MED12L: variants seen among roughly 807,000 people sequenced by gnomAD.
The protein encoded by MED12L is mediator of RNA polymerase II transcription subunit 12-like protein.
MED12L carries 60 observed loss-of-function variants against 281.3 expected under a neutral mutation model. The ratio of observed to expected loss-of-function variants is 0.21; its 90% confidence interval spans 0.17 to 0.26. The LOEUF is 0.26. Ranked by LOEUF, MED12L falls within the 10% of genes least tolerant of loss-of-function variation. MED12L has a pLI of 1.00. For synonymous variants in MED12L, 974 were observed against 987.2 expected, an observed-to-expected ratio of 0.99 and a Z score of 0.25; for missense variants, 2,146 against 2,680.9, an observed-to-expected ratio of 0.80 and a Z score of 4.41.
At chr3:151,262,247 C>T (rs1404656837) in intron 16 of MED12L, among the ~76,000 whole-genome samples, 1 of 152,154 alleles carries the variant, frequency 6.6e-6, no homozygotes, top group Non-Finnish European at 1.5e-5. Flanking sequence ...GGATGTATCC[C>T]ATCAGAAGTA....
intron 16 of MED12L, among the ~76,000 whole-genome samples, chr3:151,341,903 G>C (rs1322738631): frequency 5.9e-5 from 9 of 152,098 alleles, no homozygotes; most frequent in Non-Finnish European, 1.2e-4. Context: ...CAAAGGACAT[G>C]AACTCATCAT....
chr3:151,265,978 G>A (rs1410116649), intron 16 of MED12L, among the ~76,000 whole-genome samples: 2 of 152,144 alleles, frequency 1.3e-5, no homozygotes, highest in Non-Finnish European at 2.9e-5. Flanking sequence ...GTTCAAAGAG[G>A]CATTTAATTG....
At chr3:151,109,405 A>G (rs963372860) in intron 2 of MED12L, among the ~76,000 whole-genome samples, 4 of 152,196 alleles carry the variant, frequency 2.6e-5, no homozygotes, top group Non-Finnish European at 4.4e-5. Context: ...CAGGCCTTAC[A>G]TATTAGCATG....
In MED12L at chr3:151,379,027, C is replaced by T. The variant is rs1008930164; in HGVS notation, c.4478+854C>T. On this transcript the variant is annotated intron_variant, in intron 31 of 44. Transcript: ENST00000687756. ...TTGCTCCAGGACACACAGTGAAGGA[C>T]ATAAAGCCTGGGTTTAAATCCAGGA... 3.9e-5 allele frequency among the ~76,000 whole-genome samples: 6 copies of T among 152,350 alleles called. 1 individual carries two copies. In the South Asian group the frequency reaches 1.0e-3, roughly 26 times the overall value.
At position 151,236,058 on chromosome 3, in the gene MED12L, T is replaced by C. The variant is rs184114136; in HGVS notation, c.2250+42392T>C. ...TTTTTAACTTATTCTCCTCTCCCCC[T>C]ATTCTTACATACAGCCCTTCTTAAA... On this transcript the variant is annotated intron_variant, in intron 16 of 44. Transcript: ENST00000687756. 6.9e-4 allele frequency among the ~76,000 whole-genome samples: 105 copies of C among 152,290 alleles called. 1 individual carries two copies. Among genetic ancestry groups the C allele is most frequent in the African/African-American group, 2.4e-3 (98 of 41,576 alleles).
At chr3:151,332,467 A>C (rs1399989258) in intron 16 of MED12L, among the ~76,000 whole-genome samples, 1 of 152,226 alleles carries the variant, frequency 6.6e-6, no homozygotes, top group Non-Finnish European at 1.5e-5. Context: ...AGCTGAAATA[A>C]GTTATACTTT....
intron 16 of MED12L, chr3:151,199,556 A>G (rs980270293): frequency 1.7e-6 from 1 of 603,482 alleles, no homozygotes; most frequent in Admixed American, 3.0e-5. Context: ...TTATTGGTGA[A>G]CTTACCAGAC....
intron 16 of MED12L, among the ~76,000 whole-genome samples, chr3:151,345,643 G>A (rs1296986115): frequency 2.0e-5 from 3 of 149,944 alleles, no homozygotes; most frequent in Non-Finnish European, 3.0e-5. Flanking sequence ...TCAGCCTCCC[G>A]AGTAGCTGAA....
chr3:151,162,175 A>G (rs1427030864), intron 8 of MED12L, among the ~76,000 whole-genome samples: 1 of 152,112 alleles, frequency 6.6e-6, no homozygotes, highest in Non-Finnish European at 1.5e-5. Flanking sequence ...TGTTTGATAG[A>G]TCAGTGCCCT....
At chr3:151,118,590 TA>T (rs1212806832) in intron 3 of MED12L, among the ~76,000 whole-genome samples, 1 of 152,178 alleles carries the variant, frequency 6.6e-6, no homozygotes, top group Non-Finnish European at 1.5e-5. Context: ...TCTTGGGTAT[TA>T]AGTACATTTG....
chr3:151,369,102 T>C (rs1755857414), intron 25 of MED12L, among the ~76,000 whole-genome samples: 1 of 152,182 alleles, frequency 6.6e-6, no homozygotes, highest in African/African-American at 2.4e-5. Flanking sequence ...AAAGTAAGAA[T>C]TTTAGGGGCG....
chr3:151,403,092 T>G (rs1715891250), intron 39 of MED12L, among the ~76,000 whole-genome samples: 1 of 152,090 alleles, frequency 6.6e-6, no homozygotes, highest in Non-Finnish European at 1.5e-5. Flanking sequence ...CAGGTTTTTC[T>G]GTAGCTGGTA....
chr3:151,380,453 C>T (rs901629398), intron 32 of MED12L, among the ~76,000 whole-genome samples: 2 of 151,958 alleles, frequency 1.3e-5, no homozygotes, highest in Admixed American at 6.6e-5. Flanking sequence ...AAAAATTAGC[C>T]GGGCATGATG....
rs557838954 is a variant in MED12L at position 151,384,481 on chromosome 3, A to T, written c.4926+263A>T. Among the ~76,000 whole-genome samples the T allele has an allele frequency of 6.2e-4, 94 of 152,304 alleles. 1 individual carries two copies. Among genetic ancestry groups the T allele is most frequent in the African/African-American group, 2.1e-3 (89 of 41,562 alleles). ...TTAGAAATCCACTGTTAAATATATA[A>T]CCAGAATACTAACATTAGATAGATT... On this transcript the variant is annotated intron_variant, in intron 35 of 44. Transcript: ENST00000687756.
chr3:151,108,269 TGTA>T (rs1225819982), intron 2 of MED12L, among the ~76,000 whole-genome samples: 2 of 151,698 alleles, frequency 1.3e-5, no homozygotes, highest in African/African-American at 4.8e-5. Flanking sequence ...GGAGGGGGGT[TGTA>T]GTATTTTAAA....
intron 13 of MED12L, among the ~76,000 whole-genome samples, chr3:151,190,346 A>G (rs1173028372): frequency 2.0e-5 from 3 of 151,742 alleles, no homozygotes; most frequent in African/African-American, 7.3e-5. Context: ...TAATTTTTGT[A>G]TTTTTGGTAG....
At chr3:151,228,377 C>CTG (rs1330943628) in intron 16 of MED12L, among the ~76,000 whole-genome samples, 2 of 152,176 alleles carry the variant, frequency 1.3e-5, no homozygotes, top group Non-Finnish European at 2.9e-5. Flanking sequence ...GTGAGGCAGG[C>CTG]TGTGACTCAG....
intron 21 of MED12L, 79 bp from the exon 22 acceptor site, chr3:151,364,900 A>G (rs898998124): frequency 5.5e-5 from 56 of 1,010,674 alleles, no homozygotes; most frequent in Non-Finnish European, 8.0e-5. Context: ...CCTGCCATTT[A>G]ATATGTCCTT....
intron 5 of MED12L, among the ~76,000 whole-genome samples, chr3:151,136,995 C>T (rs1716229938): frequency 1.3e-5 from 2 of 151,822 alleles, no homozygotes; most frequent in Non-Finnish European, 2.9e-5. Context: ...AACCCCATCT[C>T]TACTAAAAAT....
Sources: gnomAD v4.1 joint callset for allele counts (sites outside exome capture counted in the v4.1 genomes callset) on GRCh38, gnomAD v4.1.1 for gene constraint, MANE v1.5 for transcripts, NCBI Gene and HGNC (gene_info 2026-07-23, HGNC 2026-07-21) for gene names.